Variants in PLTP observed in about 807,000 individuals in gnomAD.
PLTP encodes BPI fold containing family E.
In PLTP, 43 loss-of-function variants were observed where a neutral mutation model predicts 54.1. The observed-to-expected ratio is 0.79, with a 90% CI of 0.62 to 1.02. The LOEUF (loss-of-function observed/expected upper bound fraction) is 1.02. Among genes scored for constraint, PLTP ranks in the 50% least tolerant of loss-of-function variants. The probability of loss-of-function intolerance (pLI) is 0.00; values close to 1 mark genes in which losing one functional copy is unlikely to be tolerated. For missense variants in PLTP, 604 were observed against 645.9 expected (o/e 0.94, Z 0.70); for synonymous variants, 263 against 264.6 (o/e 0.99, Z 0.06).
intron 11 of PLTP, 44 bp from the exon 12 acceptor site, chr20:45,902,378 A>ATTTTTCCCT (rs2083194826): frequency 6.2e-7 from 1 of 1,613,790 alleles, no homozygotes; most frequent in African/African-American, 1.3e-5. Context: ...CCAGAAGGTC[A>ATTTTTCCCT]GTAACCCACA....
intron 12 of PLTP, among the ~76,000 whole-genome samples, chr20:45,901,761 G>A (rs2083186295): frequency 6.6e-6 from 1 of 151,932 alleles, no homozygotes; most frequent in Non-Finnish European, 1.5e-5. Flanking sequence ...AATTAGCCGG[G>A]CGTGGTGGCG....
At position 45,911,382 on chromosome 20, in the gene PLTP, A is replaced by T. The variant is rs1436637434; in HGVS notation, c.71T>A (p.Ile24Asn). 1.9e-6 allele frequency: 3 copies of T among 1,611,636 alleles called. No individual in the cohort carries two copies. Among genetic ancestry groups the T allele is most frequent in the African/African-American group, 1.3e-5 (1 of 74,908 alleles). ...GAHAEFPGCK[I>N]RVTSKALELV... is the part of the protein sequence containing the mutation. ...CTCCAGCGCCTTGGAGGTGACGCGG[A>T]TCTTGCAGCCTGGGAACTCTGCATG... The change falls in exon 2 of 16, where the codon ATC becomes AAC. Residue 24 changes from isoleucine to asparagine, a missense_variant. Ile to Asn is a moderately radical substitution (Grantham distance 149, BLOSUM62 -3). Coordinates refer to ENST00000372431, the MANE Select transcript of PLTP (RefSeq NM_006227.4).
intron 7 of PLTP, among the ~76,000 whole-genome samples, chr20:45,907,482 C>T (rs2145838296): frequency 6.6e-6 from 1 of 152,324 alleles, no homozygotes; most frequent in South Asian, 2.1e-4. Context: ...ATAATCCTCA[C>T]AGCAACCCCA....
intron 3 of PLTP, 138 bp downstream of exon 3, chr20:45,911,014 T>A: frequency 6.3e-7 from 1 of 1,582,476 alleles, no homozygotes; most frequent in Non-Finnish European, 8.6e-7. Flanking sequence ...CCCATCCGGT[T>A]TCTTAAGTCT....
chr20:45,909,818 C>T, intron 4 of PLTP, 124 bp downstream of exon 4: 5 of 1,438,296 alleles, frequency 3.5e-6, no homozygotes, highest in Non-Finnish European at 4.9e-6. Flanking sequence ...ATGCATATGC[C>T]TGTTTCTGTT....
chr20:45,911,181 T>G lies in PLTP; in HGVS notation c.171A>C (p.Lys57Asn). The change falls in exon 3 of 16, where the codon AAA becomes AAC. Residue 57 changes from lysine (K) to asparagine (N), a missense_variant. Transcript: ENST00000372431. ...AGATGTTGTAGTAGAAGTGGCCTTC[T>G]TTGCCCCGCAGGTCCGGAATGGTGA... ...ETITIPDLRGKEGHFYYNISE... is the reference protein window; with the variant it reads ...ETITIPDLRGNEGHFYYNISE... The G allele has an allele frequency of 6.2e-7, 1 of 1,614,126 alleles. No individual in the cohort carries two copies. The highest frequency in any genetic ancestry group is 1.3e-5 in the African/African-American group (1 of 75,028).
chr20:45,904,672 A>T (rs2083221229), intron 10 of PLTP, 128 bp downstream of exon 10: 4 of 846,332 alleles, frequency 4.7e-6, no homozygotes, highest in Admixed American at 1.7e-5. Context: ...TGACAAGGCG[A>T]GGGGGATTGG....
chr20:45,901,688 G>C (rs1231578417), intron 12 of PLTP, among the ~76,000 whole-genome samples: 1 of 152,036 alleles, frequency 6.6e-6, no homozygotes, highest in Non-Finnish European at 1.5e-5. Flanking sequence ...AATCACCTGA[G>C]GTCAGGAGTT....
intron 12 of PLTP, among the ~76,000 whole-genome samples, chr20:45,901,738 C>G (rs1395475688): frequency 6.6e-6 from 1 of 151,892 alleles, no homozygotes; most frequent in Non-Finnish European, 1.5e-5. Context: ...CCTGTCTCTA[C>G]TAAAAATGCA....
chr20:45,902,091 G>A (rs1260788245), intron 12 of PLTP, among the ~76,000 whole-genome samples, 176 bp downstream of exon 12: 1 of 152,128 alleles, frequency 6.6e-6, no homozygotes, highest in Non-Finnish European at 1.5e-5. Flanking sequence ...CTGCCTCTGG[G>A]ACATGTGAGA....
In PLTP at chr20:45,902,320, G is replaced by A. The variant is rs535157873; in HGVS notation, c.1122C>T (p.Ser374=). The change falls in exon 12 of 16, where the codon AGC becomes AGT. Residue 374 remains serine, a synonymous_variant. Transcript: ENST00000372431. ...CCTTCCCCCGGAGAGCCATCTTGGC[G>A]CTGAGACGGGCGTCCTGCAGGAACA... ...LSSMTMDARL[S]AKMALRGKAL... The A allele has an allele frequency of 1.2e-4, 200 of 1,614,168 alleles. No individual in the cohort carries two copies. The highest frequency in any genetic ancestry group is 3.7e-4 in the African/African-American group (28 of 75,066).
At chr20:45,899,810 C>G in intron 13 of PLTP, 26 bp downstream of exon 13, 55 of 1,134,670 alleles carry the variant, frequency 4.8e-5, no homozygotes, top group Middle Eastern at 2.1e-4. Context: ...GAACCCAGCC[C>G]AGCCCACCCA....
chr20:45,902,760 G>T (rs1356742189), intron 10 of PLTP, among the ~76,000 whole-genome samples, 156 bp from the exon 11 acceptor site: 2 of 152,224 alleles, frequency 1.3e-5, no homozygotes, highest in Non-Finnish European at 2.9e-5. Flanking sequence ...TCTCACATCT[G>T]CATCTAGCCT....
chr20:45,905,537 G>A (rs1301469787), intron 8 of PLTP, among the ~76,000 whole-genome samples: 1 of 152,166 alleles, frequency 6.6e-6, no homozygotes, highest in African/African-American at 2.4e-5. Context: ...TAGGAAACTG[G>A]CCAACTGAAA....
rs1313550372 is a variant in PLTP at position 45,906,278 on chromosome 20, A to G, written c.695T>C (p.Met232Thr). Residue 232 changes from methionine (M) to threonine (T), a missense_variant, in exon 8 of 16, where the codon ATG becomes ACG. Transcript: ENST00000372431. Reference sequence around the variant, plus strand: ...GCCCAAGCAGCTCACCCGGAAGTCCATGTCCAGGTTGCTGGTGGAAGCCAC... The same window carrying G: ...GCCCAAGCAGCTCACCCGGAAGTCCGTGTCCAGGTTGCTGGTGGAAGCCAC... The part of the protein sequence containing the change: ...DPVASTSNLD[M>T]DFRGAFFPLT... 1.2e-6 allele frequency: 2 copies of G among 1,613,150 alleles called. No homozygotes were observed. The highest frequency in any genetic ancestry group is 1.3e-5 in the African/African-American group (1 of 75,034).
chr20:45,911,334 G>T lies in PLTP; in HGVS notation c.100+19C>A. Reference sequence around the variant, plus strand: ...ACCCCGTCCGCTCCCGTCCGTCCCTGTCTGCCCCTGCGCCTTACCCAGCTC... The same window carrying T: ...ACCCCGTCCGCTCCCGTCCGTCCCTTTCTGCCCCTGCGCCTTACCCAGCTC... On this transcript the variant is annotated intron_variant, in intron 2 of 15. Transcript: ENST00000372431. The T allele has an allele frequency of 6.2e-7, 1 of 1,613,714 alleles. No individual in the cohort carries two copies. Among genetic ancestry groups the T allele is most frequent in the Non-Finnish European group, 8.5e-7 (1 of 1,180,004 alleles).
chr20:45,905,083 G>T lies in PLTP; in HGVS notation c.741C>A (p.Ser247Arg). 1 of 1,614,216 alleles carries T rather than the reference G, an allele frequency of 6.2e-7. No homozygotes were observed. Among genetic ancestry groups the T allele is most frequent in the Non-Finnish European group, 8.5e-7 (1 of 1,180,032 alleles). ...AFFPLTERNW[S>R]LPNRAVEPQL... ...GGGGCTCCACTGCCCGGTTGGGGAG[G>T]CTCCAGTTCCTCTCAGTCAGGGGGA... Residue 247 changes from serine to arginine, a missense_variant, in exon 9 of 16, where the codon AGC becomes AGA. By Grantham distance (110) the Ser-to-Arg change is moderately radical. Coordinates refer to ENST00000372431, the MANE Select transcript of PLTP (RefSeq NM_006227.4).
chr20:45,899,423 G>A (rs1396669336), intron 15 of PLTP, 39 bp downstream of exon 15: 2 of 1,602,670 alleles, frequency 1.2e-6, no homozygotes, highest in East Asian at 2.2e-5. Context: ...TAGAGAGAGG[G>A]GAAGGCCCTC....
chr20:45,909,864 G>A (rs2145841243), intron 4 of PLTP, 78 bp downstream of exon 4: 1 of 1,547,672 alleles, frequency 6.5e-7, no homozygotes, highest in South Asian at 1.1e-5. Flanking sequence ...GGAAGGCTAA[G>A]GGGGCTGCCC....
Sources: allele counts gnomAD v4.1 joint callset (sites outside exome capture counted in the v4.1 genomes callset), GRCh38; gene constraint gnomAD v4.1.1; transcripts MANE v1.5; gene names NCBI Gene and HGNC (gene_info 2026-07-23, HGNC 2026-07-21).